Variants in CNTNAP2 observed in about 807,000 individuals in gnomAD.
CNTNAP2 encodes contactin associated protein 2.
A neutral mutation model predicts 155.2 loss-of-function variants in CNTNAP2; 98 were observed. The observed-to-expected ratio is 0.63, with a 90% CI of 0.54 to 0.75. CNTNAP2 has a LOEUF of 0.75. Ranked by LOEUF, CNTNAP2 falls within the 30% of genes least tolerant of loss-of-function variation. The probability of loss-of-function intolerance (pLI) is 0.00; values close to 1 mark genes in which losing one functional copy is unlikely to be tolerated. For missense variants in CNTNAP2, 1,727 were observed against 1,688.1 expected, an observed-to-expected ratio of 1.02 and a Z score of -0.40; for synonymous variants, 651 against 631.2, an observed-to-expected ratio of 1.03 and a Z score of -0.47.
chr7:148,088,721 T>C (rs1017519318), intron 15 of CNTNAP2, among the ~76,000 whole-genome samples: 4 of 151,984 alleles, frequency 2.6e-5, no homozygotes, highest in Non-Finnish European at 4.4e-5. Flanking sequence ...ACTGCTGAAT[T>C]CTACCAAACA....
At chr7:146,215,178 G>A (rs1799094607) in intron 1 of CNTNAP2, among the ~76,000 whole-genome samples, 1 of 152,112 alleles carries the variant, frequency 6.6e-6, no homozygotes, top group South Asian at 2.1e-4. Context: ...GACAGTAAGA[G>A]GAAACTGATG....
At chr7:147,992,734 G>C (rs1801733800) in intron 15 of CNTNAP2, among the ~76,000 whole-genome samples, 1 of 152,216 alleles carries the variant, frequency 6.6e-6, no homozygotes, top group Non-Finnish European at 1.5e-5. Flanking sequence ...TAGACTTGTA[G>C]AGGATTGCTT....
chr7:147,314,130 CTGAGA>C (rs924598369), intron 9 of CNTNAP2, among the ~76,000 whole-genome samples: 2 of 152,028 alleles, frequency 1.3e-5, no homozygotes, highest in African/African-American at 4.8e-5. Context: ...TGAAACTTTG[CTGAGA>C]TAAGAAATTT....
intron 10 of CNTNAP2, among the ~76,000 whole-genome samples, chr7:147,432,147 G>T (rs1335149894): frequency 6.6e-6 from 1 of 152,144 alleles, no homozygotes; most frequent in Non-Finnish European, 1.5e-5. Context: ...TTAGAACCGA[G>T]TTTCTTAACC....
chr7:147,406,943 G>A (rs778651701), intron 10 of CNTNAP2, among the ~76,000 whole-genome samples: 3 of 152,214 alleles, frequency 2.0e-5, no homozygotes, highest in Non-Finnish European at 2.9e-5. Flanking sequence ...TGCCTTCAAC[G>A]AGTCGCAGCT....
intron 15 of CNTNAP2, among the ~76,000 whole-genome samples, chr7:148,058,497 T>C (rs1421443951): frequency 6.6e-6 from 1 of 152,032 alleles, no homozygotes; most frequent in African/African-American, 2.4e-5. Context: ...AGAGGCAGAG[T>C]ATAATTCATG....
At chr7:147,367,306 A>G (rs1796249545) in intron 9 of CNTNAP2, among the ~76,000 whole-genome samples, 1 of 152,174 alleles carries the variant, frequency 6.6e-6, no homozygotes, top group African/African-American at 2.4e-5. Context: ...ATTGGCAGAG[A>G]AATGACAACC....
chr7:146,526,153 G>C (rs1797689236), intron 1 of CNTNAP2, among the ~76,000 whole-genome samples: 1 of 152,118 alleles, frequency 6.6e-6, no homozygotes. Flanking sequence ...ACTACTCAAA[G>C]AAAACTATCG....
At chr7:146,252,902 G>A (rs1584828963) in intron 1 of CNTNAP2, among the ~76,000 whole-genome samples, 2 of 152,010 alleles carry the variant, frequency 1.3e-5, no homozygotes, top group African/African-American at 2.4e-5. Flanking sequence ...AATAATGAGA[G>A]CAACAATTAT....
At chr7:147,866,152 C>T (rs1799222427) in intron 13 of CNTNAP2, among the ~76,000 whole-genome samples, 1 of 152,162 alleles carries the variant, frequency 6.6e-6, no homozygotes, top group South Asian at 2.1e-4. Flanking sequence ...CAAAGAACAT[C>T]TTTATTTCTG....
intron 21 of CNTNAP2, among the ~76,000 whole-genome samples, chr7:148,345,260 G>C (rs1798304094): frequency 6.6e-6 from 1 of 152,286 alleles, no homozygotes; most frequent in African/African-American, 2.4e-5. Flanking sequence ...TTTCATTCAA[G>C]GTACGGAGAA....
intron 3 of CNTNAP2, among the ~76,000 whole-genome samples, chr7:146,974,693 C>T (rs1384162820): frequency 6.6e-6 from 1 of 152,066 alleles, no homozygotes; most frequent in Admixed American, 6.6e-5. Context: ...AAAAGAATGA[C>T]TTACTCTTTA....
intron 21 of CNTNAP2, among the ~76,000 whole-genome samples, chr7:148,310,778 T>G (rs919676026): frequency 6.6e-6 from 1 of 152,080 alleles, no homozygotes; most frequent in African/African-American, 2.4e-5. Context: ...AGGGGTGTCT[T>G]GTACCCAGAC....
intron 1 of CNTNAP2, among the ~76,000 whole-genome samples, chr7:146,740,816 G>GC (rs139346231): frequency 0.064 from 9,748 of 152,246 alleles, 1,009 homozygotes; most frequent in African/African-American, 0.22. Flanking sequence ...TCTGAGAATT[G>GC]CTTGCTCCTG....
chr7:147,551,392 T>A (rs1051681840), intron 11 of CNTNAP2, among the ~76,000 whole-genome samples: 1 of 152,172 alleles, frequency 6.6e-6, no homozygotes, highest in African/African-American at 2.4e-5. Context: ...GGTCCTTGAT[T>A]GTGTAAGGAA....
At chr7:148,069,692 A>G (rs1254716061) in intron 15 of CNTNAP2, among the ~76,000 whole-genome samples, 9 of 150,988 alleles carry the variant, frequency 6.0e-5, no homozygotes, top group South Asian at 2.1e-4. Context: ...CCTGGGAGGC[A>G]GAGCTTGCAG....
At chr7:147,412,818 G>T (rs1488075206) in intron 10 of CNTNAP2, among the ~76,000 whole-genome samples, 1 of 152,156 alleles carries the variant, frequency 6.6e-6, no homozygotes, top group Non-Finnish European at 1.5e-5. Context: ...TGGAAAAATG[G>T]ACTATATAAA....
chr7:146,304,612 G>T (rs769401157), intron 1 of CNTNAP2, among the ~76,000 whole-genome samples: 4 of 152,092 alleles, frequency 2.6e-5, no homozygotes, highest in Non-Finnish European at 5.9e-5. Context: ...CTCTCTGCTG[G>T]CTTGTAGAAT....
intron 3 of CNTNAP2, among the ~76,000 whole-genome samples, chr7:146,920,140 G>A (rs373955146): frequency 5.9e-5 from 9 of 152,274 alleles, no homozygotes; most frequent in South Asian, 2.1e-4. Flanking sequence ...CTGGCCAGGC[G>A]TGGTGGCTTA....
Sources: gnomAD v4.1 joint callset for allele counts (sites outside exome capture counted in the v4.1 genomes callset) on GRCh38, gnomAD v4.1.1 for gene constraint, MANE v1.5 for transcripts, NCBI Gene and HGNC (gene_info 2026-07-23, HGNC 2026-07-21) for gene names.